The following HERC2 variants were observed in gnomAD, a reference collection of about 807,000 sequenced individuals.
HERC2 encodes HECT and RLD domain containing E3 ubiquitin protein ligase 2.
Under a neutral mutation model 537.7 loss-of-function variants are expected in HERC2, and 102 were observed. The observed-to-expected ratio is 0.19, with a 90% CI of 0.16 to 0.22. The LOEUF is 0.22. Ranked by LOEUF, HERC2 falls within the 10% of genes least tolerant of loss-of-function variation. The probability of loss-of-function intolerance (pLI) is 1.00; values close to 1 mark genes in which losing one functional copy is unlikely to be tolerated. For synonymous variants in HERC2, 2,224 were observed against 2,466.2 expected (o/e 0.90, Z 2.91); for missense variants, 4,236 against 6,198.2 (o/e 0.68, Z 10.63).
intron 44 of HERC2, among the ~76,000 whole-genome samples, chr15:28,209,673 G>A (rs1416535820): frequency 2.6e-5 from 4 of 152,080 alleles, no homozygotes; most frequent in Non-Finnish European, 5.9e-5. Context: ...AAAGTATTTG[G>A]GAGGATGTAC....
Position 28,210,300 on chromosome 15 carries a change from A to C in HERC2, c.7069+702T>G, listed in dbSNP as rs150935913. Among the ~76,000 whole-genome samples the C allele has an allele frequency of 4.7e-3, 708 of 152,094 alleles. 5 individuals carry two copies. The highest frequency in any genetic ancestry group is 0.014 in the Middle Eastern group (4 of 294). On this transcript the variant is annotated intron_variant, in intron 44 of 92. Coordinates refer to ENST00000261609, the MANE Select transcript of HERC2 (RefSeq NM_004667.6). ...AGGCGTCCGCCACCGTGCCCAGCTAATGTTTTGTATTTTTAGTAGAAATGG... is the reference window on the plus strand; with the variant it reads ...AGGCGTCCGCCACCGTGCCCAGCTACTGTTTTGTATTTTTAGTAGAAATGG...
intron 2 of HERC2, among the ~76,000 whole-genome samples, chr15:28,304,702 A>ATTTTTTTT (rs780900477): frequency 4.7e-4 from 51 of 108,198 alleles, no homozygotes; most frequent in East Asian, 1.2e-3. Context: ...AAGGGCTTCC[A>ATTTTTTTT]TTTTTTTTTT....
intron 79 of HERC2, 96 bp from the exon 80 acceptor site, chr15:28,132,926 GTTAA>G: frequency 1.0e-6 from 1 of 977,800 alleles, no homozygotes; most frequent in Non-Finnish European, 1.4e-6. Flanking sequence ...TTCCTAATCA[GTTAA>G]TTGTTAAATC....
At chr15:28,244,773 T>G (rs909736541) in intron 23 of HERC2, among the ~76,000 whole-genome samples, 3 of 152,178 alleles carry the variant, frequency 2.0e-5, no homozygotes, top group African/African-American at 4.8e-5. Context: ...ATGTTCAATG[T>G]CCTGGGGCTG....
At position 28,142,354 on chromosome 15, in the gene HERC2, G is replaced by C. The variant is rs1891313708; in HGVS notation, c.11584C>G (p.Leu3862Val). The C allele has an allele frequency of 6.2e-7, 1 of 1,613,926 alleles. No homozygotes were observed. The highest frequency in any genetic ancestry group is 1.3e-5 in the African/African-American group (1 of 74,930). The change falls in exon 76 of 93, where the codon CTG (leucine) becomes GTG (valine). Residue 3862 changes from leucine to valine, a missense_variant. Leu to Val is a conservative substitution (Grantham distance 32). This residue lies in a region of HERC2 where 156 missense variants were observed against 172.3 expected (regional missense o/e 0.91). Transcript: ENST00000261609. ...ALACDLELDT[L>V]PCCAETHKWA... The stretch of plus-strand genomic sequence containing the variant: ...TTGTGCGTCTCGGCACAGCAAGGCA[G>C]AGTGTCCAGCTCCAGGTCACAAGCA...
intron 23 of HERC2, among the ~76,000 whole-genome samples, chr15:28,244,747 T>G (rs1903489886): frequency 6.6e-6 from 1 of 152,106 alleles, no homozygotes; most frequent in Admixed American, 6.6e-5. Flanking sequence ...ATTGACTGTT[T>G]TAAAAATAAA....
chr15:28,237,345 G>T (rs1412854429), intron 25 of HERC2, among the ~76,000 whole-genome samples: 1 of 152,206 alleles, frequency 6.6e-6, no homozygotes, highest in Admixed American at 6.5e-5. Flanking sequence ...CCCTACTGTA[G>T]AAAAACTAAA....
At position 28,300,648 on chromosome 15, in the gene HERC2, C is replaced by T. The variant is rs1369341036; in HGVS notation, c.73-1132G>A. On this transcript the variant is annotated intron_variant, in intron 2 of 92. Coordinates refer to ENST00000261609, the MANE Select transcript of HERC2 (RefSeq NM_004667.6). The stretch of plus-strand genomic sequence containing the variant: ...ACCAGCCTGGCCAACATGGTGAAAC[C>T]CCATCTCTACTAAAAATATGAAAAA... Among the ~76,000 whole-genome samples, 660 of 146,682 alleles carry T rather than the reference C, an allele frequency of 4.5e-3. 9 individuals are homozygous for T. Among genetic ancestry groups the T allele is most frequent in the African/African-American group, 0.016 (627 of 39,220 alleles).
At chr15:28,227,596 A>G (rs1901344303) in intron 35 of HERC2, among the ~76,000 whole-genome samples, 1 of 152,188 alleles carries the variant, frequency 6.6e-6, no homozygotes, top group Admixed American at 6.5e-5. Context: ...GTAGTTTCTC[A>G]GTAAGTTACA....
intron 2 of HERC2, among the ~76,000 whole-genome samples, chr15:28,304,702 ATTTT>A (rs780900477): frequency 1.7e-4 from 18 of 108,346 alleles, no homozygotes; most frequent in African/African-American, 5.7e-4. Flanking sequence ...AAGGGCTTCC[ATTTT>A]TTTTTTTTTT....
At chr15:28,145,171 G>A (rs755483096) in intron 71 of HERC2, among the ~76,000 whole-genome samples, 12 of 152,192 alleles carry the variant, frequency 7.9e-5, no homozygotes, top group Non-Finnish European at 1.0e-4. Context: ...GACATTTCCC[G>A]GGAAAGCTCT....
intron 69 of HERC2, 90 bp downstream of exon 69, chr15:28,163,004 C>T: frequency 1.1e-5 from 12 of 1,101,902 alleles, no homozygotes; most frequent in South Asian, 4.4e-5. Context: ...ACAAGATCAC[C>T]GGTGATCCAT....
chr15:28,144,949 G>A, intron 71 of HERC2, 145 bp from the exon 72 acceptor site: 1 of 941,584 alleles, frequency 1.1e-6, no homozygotes, highest in Admixed American at 2.1e-5. Flanking sequence ...GAAGTGCACA[G>A]TGACACAACA....
chr15:28,158,614 T>C (rs1010485338), intron 69 of HERC2, among the ~76,000 whole-genome samples: 4 of 152,208 alleles, frequency 2.6e-5, no homozygotes, highest in Non-Finnish European at 5.9e-5. Flanking sequence ...TCCCTTTATT[T>C]TGAGCCTATG....
At chr15:28,173,319 A>G (rs1388206831) in intron 65 of HERC2, among the ~76,000 whole-genome samples, 1 of 152,198 alleles carries the variant, frequency 6.6e-6, no homozygotes, top group East Asian at 1.9e-4. Flanking sequence ...AACAGCCCAA[A>G]CATTCATCAA....
intron 70 of HERC2, among the ~76,000 whole-genome samples, chr15:28,149,882 A>G (rs1007538925): frequency 1.3e-5 from 2 of 151,638 alleles, no homozygotes; most frequent in Non-Finnish European, 2.9e-5. Context: ...CCAAAAAAAC[A>G]CATGCGACTT....
rs759940759 is a variant in HERC2 at position 28,233,467 on chromosome 15, T to A, written c.4446A>T (p.Arg1482Ser). 2.1e-6 allele frequency: 3 copies of A among 1,433,434 alleles called. No individual in the cohort carries two copies. The highest frequency in any genetic ancestry group is 4.5e-5 in the East Asian group (2 of 43,978). The allele number at this position is 1,433,434 out of a possible 1,614,324, so 88.8% of individuals were successfully genotyped here. A position where few individuals can be genotyped will look rare whatever the true frequency, so the allele number is the denominator to read the frequency against. The stretch of plus-strand genomic sequence containing the variant: ...GCGAACATTTTGCTTGGTAGACAAC[T>A]CTACAAACATCCACCACTGACTTAG... Reference protein sequence around the residue: ...TLPKSVVDVCRVVYQAKCSLI... With the variant: ...TLPKSVVDVCSVVYQAKCSLI... Residue 1482 changes from arginine to serine, a missense_variant, in exon 29 of 93, where the codon AGA becomes AGT. Arg to Ser is a moderately radical substitution (Grantham distance 110). Coordinates refer to ENST00000261609, the MANE Select transcript of HERC2 (RefSeq NM_004667.6).
At chr15:28,241,760 C>T (rs1903147582) in intron 23 of HERC2, among the ~76,000 whole-genome samples, 1 of 151,928 alleles carries the variant, frequency 6.6e-6, no homozygotes, top group African/African-American at 2.4e-5. Flanking sequence ...ACAGAGGTTG[C>T]AGTGAGCCGA....
At chr15:28,155,169 T>C (rs1355751629) in intron 69 of HERC2, among the ~76,000 whole-genome samples, 1 of 152,160 alleles carries the variant, frequency 6.6e-6, no homozygotes, top group African/African-American at 2.4e-5. Context: ...CTATCATTGT[T>C]GGACATTTGG....
Sources: gnomAD v4.1 joint callset for allele counts (sites outside exome capture counted in the v4.1 genomes callset) on GRCh38, gnomAD v4.1.1 for gene constraint, gnomAD v4.1.1 regional missense constraint, MANE v1.5 for transcripts, NCBI Gene and HGNC (gene_info 2026-07-23, HGNC 2026-07-21) for gene names.